SRGAP2: variants seen among roughly 807,000 people sequenced by gnomAD.
The protein encoded by SRGAP2 is SLIT-ROBO Rho GTPase activating protein 2, also known as SLIT-ROBO Rho GTPase-activating protein 2.
A neutral mutation model predicts 57.2 loss-of-function variants in SRGAP2; 15 were observed. The ratio of observed to expected loss-of-function variants is 0.26; its 90% CI spans 0.18 to 0.40. The LOEUF is 0.40. SRGAP2 is among the 10% of genes least tolerant of loss of function. The probability of loss-of-function intolerance (pLI) is 1.00; values close to 1 mark genes in which losing one functional copy is unlikely to be tolerated. For synonymous variants in SRGAP2, 249 were observed against 248.0 expected (o/e 1.00, Z -0.04); for missense variants, 520 against 669.6 (o/e 0.78, Z 2.47).
At chr1:206,383,920 T>G (rs1655943068) in intron 4 of SRGAP2, 94 bp from the exon 5 acceptor site, 1 of 840,682 alleles carries the variant, frequency 1.2e-6, no homozygotes. Flanking sequence ...TAATTGAGTC[T>G]GGGTTATTTG....
At chr1:206,453,536 C>G (rs542872144) in intron 20 of SRGAP2, 156 bp downstream of exon 20, 15 of 380,160 alleles carry the variant, frequency 3.9e-5, no homozygotes, top group South Asian at 2.4e-4. Context: ...GCACCCCCCC[C>G]ACCCCCCGCC....
intron 4 of SRGAP2, among the ~76,000 whole-genome samples, chr1:206,383,046 CAG>C (rs1655849780): frequency 6.9e-6 from 1 of 144,554 alleles, no homozygotes; most frequent in Non-Finnish European, 1.5e-5. Context: ...TTTTTTGAGA[CAG>C]AGTCTCACTC....
At chr1:206,426,377 G>A (rs1660798904) in intron 13 of SRGAP2, among the ~76,000 whole-genome samples, 1 of 152,082 alleles carries the variant, frequency 6.6e-6, no homozygotes, top group African/African-American at 2.4e-5. Context: ...ATCTATTGAT[G>A]GACACTTAGG....
chr1:206,446,882 C>T (rs1228854859), intron 18 of SRGAP2, among the ~76,000 whole-genome samples: 2 of 152,176 alleles, frequency 1.3e-5, no homozygotes, highest in East Asian at 3.8e-4. Context: ...CATGACCTAG[C>T]TTCGGAACAG....
chr1:206,375,746 G>C (rs1447821457), intron 4 of SRGAP2, among the ~76,000 whole-genome samples: 1 of 152,062 alleles, frequency 6.6e-6, no homozygotes, highest in East Asian at 1.9e-4. Flanking sequence ...TCCCTGACAA[G>C]AGACTTTGGT....
At chr1:206,439,344 C>G (rs187676326) in intron 16 of SRGAP2, among the ~76,000 whole-genome samples, 101 of 152,156 alleles carry the variant, frequency 6.6e-4, no homozygotes, top group African/African-American at 2.3e-3. Context: ...TACCCAGGGG[C>G]CTGCTACCTC....
chr1:206,275,553 G>T (rs1670358981), intron 2 of SRGAP2, among the ~76,000 whole-genome samples: 1 of 131,130 alleles, frequency 7.6e-6, no homozygotes, highest in South Asian at 2.7e-4. Flanking sequence ...GAGGAGACTG[G>T]AGGGGATATT....
Position 206,359,796 on chromosome 1 carries a change from C to CCCTTTTTTTTTTTTTTTTT in SRGAP2, c.423+16788_423+16789insCCTTTTTTTTTTTTTTTTT, listed in dbSNP as rs1558345475. Among the ~76,000 whole-genome samples, 8 of 103,682 alleles carry CCCTTTTTTTTTTTTTTTTT rather than the reference C, an allele frequency of 7.7e-5. 1 individual carries two copies. Among genetic ancestry groups the CCCTTTTTTTTTTTTTTTTT allele is most frequent in the African/African-American group, 3.8e-4 (8 of 21,108 alleles). 68.0% of individuals were successfully genotyped at this position (103,682 alleles called of 152,430 possible). On this transcript the variant is annotated intron_variant, in intron 4 of 22. Coordinates refer to ENST00000573034, the MANE Select transcript of SRGAP2 (RefSeq NM_015326.5). ...AGAGGATGGGGTACAAGGGATATTG[C>CCCTTTTTTTTTTTTTTTTT]TCTTTTTTTTTTTTTTTTTTTTTTT...
At position 206,340,572 on chromosome 1, in the gene SRGAP2, TAA is replaced by T. The variant is rs1482626851; in HGVS notation, c.261-2272_261-2271del. ...AATAGATTGAAACCAGTTGTCAATG[TAA>T]AGTCTCATGAGATCTGCCCCTTTAA... On this transcript the variant is annotated intron_variant, in intron 3 of 22. Coordinates refer to ENST00000573034, the MANE Select transcript of SRGAP2 (RefSeq NM_015326.5). Among the ~76,000 whole-genome samples, 22 of 152,230 alleles carry T rather than the reference TAA, an allele frequency of 1.4e-4. No individual in the cohort carries two copies. The South Asian group carries it at 2.1e-3, about 14-fold the overall frequency.
At chr1:206,324,491 T>C (rs1673720437) in intron 3 of SRGAP2, among the ~76,000 whole-genome samples, 1 of 152,186 alleles carries the variant, frequency 6.6e-6, no homozygotes, top group Admixed American at 6.5e-5. Flanking sequence ...CCTCTGTGTC[T>C]GTGGGTACAT....
At position 206,372,898 on chromosome 1, in the gene SRGAP2, C is replaced by CT. The variant is rs1293720627; in HGVS notation, c.424-11116_424-11115insT. 5.6e-4 allele frequency among the ~76,000 whole-genome samples: 15 copies of CT among 26,734 alleles called. 2 individuals carry two copies. In the South Asian group the frequency reaches 0.021, roughly 37 times the overall value. The allele number at this position is 26,734 out of a possible 152,430, so 17.5% of individuals were successfully genotyped here. Reference sequence around the variant, plus strand: ...TAGATTCCTTTCTTTCTTTCTCTCTCCTTTCTTTCTTTCTTTCTTTCTTTC... The same window carrying CT: ...TAGATTCCTTTCTTTCTTTCTCTCTCTCTTTCTTTCTTTCTTTCTTTCTTTC... On this transcript the variant is annotated intron_variant, in intron 4 of 22. Transcript: ENST00000573034.
intron 11 of SRGAP2, among the ~76,000 whole-genome samples, chr1:206,418,368 A>G (rs1230918819): frequency 6.6e-6 from 1 of 152,238 alleles, no homozygotes; most frequent in Non-Finnish European, 1.5e-5. Context: ...ACTGTAAGCA[A>G]CAATTACCAA....
At chr1:206,341,844 A>T (rs574570654) in intron 3 of SRGAP2, among the ~76,000 whole-genome samples, 8 of 152,192 alleles carry the variant, frequency 5.3e-5, no homozygotes, top group African/African-American at 1.9e-4. Context: ...CTAAAAATAC[A>T]AAAGTTAGCT....
intron 11 of SRGAP2, among the ~76,000 whole-genome samples, chr1:206,418,413 C>G (rs1324030231): frequency 1.3e-5 from 2 of 152,246 alleles, no homozygotes; most frequent in East Asian, 3.8e-4. Context: ...GCCCTCCCTC[C>G]GCCAGCCCTT....
intron 3 of SRGAP2, among the ~76,000 whole-genome samples, chr1:206,312,989 TTACCTTTC>T (rs2102797339): frequency 6.6e-6 from 1 of 152,350 alleles, no homozygotes; most frequent in African/African-American, 2.4e-5. Flanking sequence ...TTGCTGTAAA[TTACCTTTC>T]GGTCATAGCT....
intron 2 of SRGAP2, among the ~76,000 whole-genome samples, chr1:206,255,445 G>A (rs1669127974): frequency 7.2e-6 from 1 of 138,068 alleles, no homozygotes; most frequent in Admixed American, 7.3e-5. Context: ...AGCATACTCT[G>A]GCTCTGTATC....
At chr1:206,266,312 C>T (rs1176629140) in intron 2 of SRGAP2, among the ~76,000 whole-genome samples, 4 of 151,118 alleles carry the variant, frequency 2.6e-5, no homozygotes, top group African/African-American at 7.3e-5. Context: ...GGTGCGATCT[C>T]GGCTCACTGC....
chr1:206,265,721 T>C (rs1251892114), intron 2 of SRGAP2, among the ~76,000 whole-genome samples: 2 of 151,952 alleles, frequency 1.3e-5, no homozygotes, highest in African/African-American at 2.4e-5. Flanking sequence ...TTACTGTAAA[T>C]CTAATCATAA....
At position 206,446,278 on chromosome 1, in the gene SRGAP2, G is replaced by A; in HGVS notation, c.2078G>A (p.Gly693Glu). Residue 693 changes from glycine (G) to glutamate (E), a missense_variant, in exon 18 of 23, where the codon GGA becomes GAA. This residue lies in a region of SRGAP2 where 478 missense variants were observed against 373.6 expected (regional missense o/e 1.28). Coordinates refer to ENST00000573034, the MANE Select transcript of SRGAP2 (RefSeq NM_015326.5). ...CTGGAGGGCCCTGTCTACAGCAGAG[G>A]AGGAAGCATGGAGGATTACTGGTAG... ...RELEGPVYSR[G>E]GSMEDYCDSP... The A allele has an allele frequency of 1.3e-6, 1 of 780,896 alleles. No individual in the cohort carries two copies. The highest frequency in any genetic ancestry group is 2.4e-6 in the Non-Finnish European group (1 of 417,990). 48.4% of individuals were successfully genotyped at this position (780,896 alleles called of 1,614,324 possible). A position where few individuals can be genotyped will look rare whatever the true frequency, so the allele number is the denominator to read the frequency against.
Sources: allele counts gnomAD v4.1 joint callset (sites outside exome capture counted in the v4.1 genomes callset), GRCh38; gene constraint gnomAD v4.1.1; regional missense constraint gnomAD v4.1.1; transcripts MANE v1.5; gene names NCBI Gene and HGNC (gene_info 2026-07-23, HGNC 2026-07-21).